The following TEX11 variants were observed in gnomAD, a reference collection of about 807,000 sequenced individuals.
TEX11 encodes testis expressed 11.
A neutral mutation model predicts 84.4 loss-of-function variants in TEX11; 7 were observed. The ratio of observed to expected loss-of-function variants is 0.08; its 90% CI spans 0.05 to 0.16. TEX11 has a LOEUF of 0.16. Ranked by LOEUF, TEX11 falls within the 10% of genes least tolerant of loss-of-function variation. The pLI is 1.00. For missense variants in TEX11, 551 were observed against 660.5 expected, an observed-to-expected ratio of 0.83 and a Z score of 1.82; for synonymous variants, 264 against 222.8, an observed-to-expected ratio of 1.18 and a Z score of -1.64.
At chrX:70,768,083 G>A (rs2090951715) in intron 9 of TEX11, among the ~76,000 whole-genome samples, 1 of 110,910 alleles carries the variant, frequency 9.0e-6, no homozygotes, top group African/African-American at 3.3e-5. Flanking sequence ...GCAACAGGGA[G>A]AGTATAGTCA....
chrX:70,786,470 T>A (rs2091079919), intron 9 of TEX11, among the ~76,000 whole-genome samples: 2 of 111,247 alleles, frequency 1.8e-5, no homozygotes, highest in African/African-American at 6.5e-5. Context: ...ACTTGAAGTA[T>A]AATAAAATAA....
At chrX:70,522,980 G>A in the TEX11 span, among the ~76,000 whole-genome samples, 1 of 88,414 alleles carries the variant, frequency 1.1e-5, no homozygotes. Context: ...AATGCTAGGA[G>A]TTAAAAAAAC....
chrX:70,874,560 C>T (rs954651620), intron 3 of TEX11, among the ~76,000 whole-genome samples: 2 of 107,489 alleles, frequency 1.9e-5, no homozygotes, highest in African/African-American at 6.8e-5. Context: ...CACCATAATG[C>T]CTGGCTAATT....
At chrX:70,860,030 T>C (rs1408570354) in intron 5 of TEX11, among the ~76,000 whole-genome samples, 1 of 111,261 alleles carries the variant, frequency 9.0e-6, no homozygotes, top group Non-Finnish European at 1.9e-5. Context: ...AAGGAAAAAA[T>C]CTTTTAAATA....
intron 13 of TEX11, among the ~76,000 whole-genome samples, chrX:70,717,689 T>C (rs2090518965): frequency 8.9e-6 from 1 of 112,102 alleles, no homozygotes; most frequent in Admixed American, 9.5e-5. Context: ...AAAACTTTAC[T>C]GTGTAAAATA....
intron 2 of TEX11, among the ~76,000 whole-genome samples, chrX:70,900,335 T>C (rs778915995): frequency 1.5e-3 from 146 of 96,912 alleles, no homozygotes; most frequent in South Asian, 3.5e-3. Flanking sequence ...ACAGAGATCG[T>C]GCCACTGCGC....
intron 13 of TEX11, among the ~76,000 whole-genome samples, chrX:70,688,839 G>T (rs957606370): frequency 3.0e-5 from 3 of 100,872 alleles, no homozygotes; most frequent in African/African-American, 1.1e-4. Flanking sequence ...GGAGGTTGGG[G>T]GAATCCTCAG....
rs764400361 is a variant in TEX11, at chrX:70,853,339, G to T, written c.325-11C>A. 17 of 1,149,063 alleles carry T rather than the reference G, an allele frequency of 1.5e-5. No individual in the cohort carries two copies. The Admixed American group carries it at 4.0e-4, about 27-fold the overall frequency. The allele number at this position is 1,149,063 out of a possible 1,213,427, so 94.7% of individuals were successfully genotyped here. A position where few individuals can be genotyped will look rare whatever the true frequency, so the allele number is the denominator to read the frequency against. ...TATTCTCATATTCATCTAGAAGAGAGAAATTAGAAAATAATTTTTAAAAAT... is the reference window on the plus strand; with the variant it reads ...TATTCTCATATTCATCTAGAAGAGATAAATTAGAAAATAATTTTTAAAAAT... On this transcript the variant is annotated splice_polypyrimidine_tract_variant and intron_variant, in intron 5 of 29. Coordinates refer to ENST00000374333, the MANE Select transcript of TEX11 (RefSeq NM_031276.3).
intron 9 of TEX11, among the ~76,000 whole-genome samples, chrX:70,755,726 A>G (rs1029369522): frequency 5.3e-5 from 6 of 112,227 alleles, no homozygotes; most frequent in Admixed American, 3.8e-4. Flanking sequence ...TACCTGGTTT[A>G]TCTCATTGAG....
At chrX:70,577,884 C>T (rs770670627) in intron 25 of TEX11, among the ~76,000 whole-genome samples, 63 of 110,373 alleles carry the variant, frequency 5.7e-4, no homozygotes, top group African/African-American at 1.9e-3. Context: ...CCCACCACCA[C>T]GCCAAGCTAA....
At chrX:70,779,269 G>A (rs1215858885) in intron 9 of TEX11, among the ~76,000 whole-genome samples, 1 of 108,117 alleles carries the variant, frequency 9.2e-6, no homozygotes, top group Admixed American at 1.0e-4. Flanking sequence ...ACAAAAATTA[G>A]CCAAGAGTGG....
At chrX:70,643,191 T>C (rs1376679291) in intron 17 of TEX11, among the ~76,000 whole-genome samples, 15 of 98,640 alleles carry the variant, frequency 1.5e-4, no homozygotes, top group Admixed American at 4.6e-4. Context: ...GAGAATAAAA[T>C]ACCTAGGAAT....
intron 16 of TEX11, among the ~76,000 whole-genome samples, chrX:70,667,148 G>A (rs1236411541): frequency 2.7e-5 from 3 of 111,811 alleles, no homozygotes; most frequent in Non-Finnish European, 3.8e-5. Context: ...TCAAATTTCA[G>A]TATTCCAAAA....
At chrX:70,624,123 G>C in intron 19 of TEX11, 117 bp from the exon 20 acceptor site, 1 of 392,758 alleles carries the variant, frequency 2.5e-6, no homozygotes, top group Non-Finnish European at 4.3e-6. Flanking sequence ...AGAAAAGAGA[G>C]GGTAAAGGGG....
intron 28 of TEX11, among the ~76,000 whole-genome samples, chrX:70,545,037 T>A (rs1221408462): frequency 3.7e-5 from 4 of 109,251 alleles, no homozygotes; most frequent in African/African-American, 1.0e-4. Context: ...AAACCTCGTC[T>A]CCAGTAAAAA....
intron 9 of TEX11, among the ~76,000 whole-genome samples, chrX:70,748,631 C>T (rs1169632999): frequency 1.9e-5 from 2 of 105,734 alleles, no homozygotes; most frequent in Non-Finnish European, 3.9e-5. Flanking sequence ...TTTCAGCTTT[C>T]TACATATGGC....
chrX:70,636,830 C>T (rs1474276485), intron 17 of TEX11, among the ~76,000 whole-genome samples: 1 of 112,040 alleles, frequency 8.9e-6, no homozygotes, highest in African/African-American at 3.2e-5. Flanking sequence ...GCCAGGCTGC[C>T]AAAGGACTCC....
intron 8 of TEX11, among the ~76,000 whole-genome samples, chrX:70,816,235 G>C (rs2091285521): frequency 8.9e-6 from 1 of 111,860 alleles, no homozygotes; most frequent in South Asian, 3.7e-4. Flanking sequence ...AATAGGATTA[G>C]AGGCATACTG....
intron 24 of TEX11, among the ~76,000 whole-genome samples, chrX:70,600,416 T>A (rs1015861277): frequency 7.2e-5 from 8 of 111,148 alleles, no homozygotes; most frequent in Non-Finnish European, 1.3e-4. Context: ...ACATTAATAA[T>A]GGGAGACTTT....
Sources: gnomAD v4.1 joint callset for allele counts (sites outside exome capture counted in the v4.1 genomes callset) on GRCh38, gnomAD v4.1.1 for gene constraint, MANE v1.5 for transcripts, NCBI Gene and HGNC (gene_info 2026-07-23, HGNC 2026-07-21) for gene names.